The following GRM7 variants were observed in gnomAD, a reference collection of about 807,000 sequenced individuals.
GRM7 encodes the protein glutamate metabotropic receptor 7, also known as metabotropic glutamate receptor 7.
In GRM7, 35 loss-of-function variants were observed where a neutral mutation model predicts 84.5. That is an observed-to-expected ratio of 0.41 (90% CI 0.32 to 0.55). The LOEUF (loss-of-function observed/expected upper bound fraction) is 0.55, where lower values mean the gene tolerates loss of function less well. Ranked by LOEUF, GRM7 falls within the 20% of genes least tolerant of loss-of-function variation. The pLI is 0.19. For synonymous variants in GRM7, 487 were observed against 455.1 expected (o/e 1.07, Z -0.89); for missense variants, 1,003 against 1,194.6 (o/e 0.84, Z 2.36).
At chr3:7,569,250 T>C (rs1694517050) in intron 7 of GRM7, among the ~76,000 whole-genome samples, 1 of 152,172 alleles carries the variant, frequency 6.6e-6, no homozygotes, top group South Asian at 2.1e-4. Context: ...AGAACCTTTA[T>C]GTCTAGCTAG....
chr3:7,736,798 T>C (rs1355987436), intron 9 of GRM7, among the ~76,000 whole-genome samples: 1 of 152,214 alleles, frequency 6.6e-6, no homozygotes, highest in Admixed American at 6.5e-5. Context: ...TTTGTTTTTA[T>C]CCTTTTTGGA....
chr3:7,205,524 T>A (rs1198096180), intron 2 of GRM7, among the ~76,000 whole-genome samples: 1 of 152,220 alleles, frequency 6.6e-6, no homozygotes, highest in Non-Finnish European at 1.5e-5. Context: ...GCCATTTTTG[T>A]TTAATACTCT....
At chr3:7,531,036 A>G (rs1165379170) in intron 7 of GRM7, among the ~76,000 whole-genome samples, 1 of 152,062 alleles carries the variant, frequency 6.6e-6, no homozygotes, top group Admixed American at 6.6e-5. Context: ...CTGTGTCCTA[A>G]ATGGTATTGC....
intron 7 of GRM7, among the ~76,000 whole-genome samples, chr3:7,462,558 A>T (rs1184764172): frequency 2.0e-5 from 3 of 152,242 alleles, no homozygotes; most frequent in Non-Finnish European, 4.4e-5. Flanking sequence ...GCCTTTATTA[A>T]TCTATACCTT....
chr3:6,993,527 C>T (rs542518831), intron 1 of GRM7, among the ~76,000 whole-genome samples: 1 of 152,260 alleles, frequency 6.6e-6, no homozygotes, highest in Admixed American at 6.5e-5. Context: ...TAGAAGAAAG[C>T]ATTAGATGCC....
At chr3:7,101,571 G>T (rs1699109126) in intron 1 of GRM7, among the ~76,000 whole-genome samples, 1 of 151,190 alleles carries the variant, frequency 6.6e-6, no homozygotes, top group African/African-American at 2.4e-5. Flanking sequence ...TATAATCACG[G>T]TTAGGTCTGC....
At chr3:6,915,213 A>C (rs576017220) in intron 1 of GRM7, among the ~76,000 whole-genome samples, 40 of 152,310 alleles carry the variant, frequency 2.6e-4, no homozygotes, top group South Asian at 1.7e-3. Flanking sequence ...CCATATTTAC[A>C]AATACTTTTC....
intron 9 of GRM7, among the ~76,000 whole-genome samples, chr3:7,710,543 G>A (rs1326972983): frequency 6.6e-6 from 1 of 152,034 alleles, no homozygotes; most frequent in Non-Finnish European, 1.5e-5. Flanking sequence ...CCATACCAGA[G>A]GATAAATCTG....
chr3:7,707,359 G>A (rs889840043), intron 9 of GRM7, among the ~76,000 whole-genome samples: 4 of 152,122 alleles, frequency 2.6e-5, no homozygotes, highest in Non-Finnish European at 5.9e-5. Context: ...CAGTTAATGG[G>A]CCAGATTCTA....
intron 5 of GRM7, among the ~76,000 whole-genome samples, chr3:7,441,982 C>T (rs1697307437): frequency 6.6e-6 from 1 of 151,118 alleles, no homozygotes; most frequent in African/African-American, 2.4e-5. Context: ...TTCCATATGA[C>T]TTTTAGAATA....
intron 8 of GRM7, among the ~76,000 whole-genome samples, chr3:7,653,180 CTTTTTTTTTTTT>C (rs1218949173): frequency 2.2e-5 from 2 of 89,520 alleles, no homozygotes; most frequent in East Asian, 3.6e-4. Flanking sequence ...ATACTATATC[CTTTTTTTTTTTT>C]TTTTTTTTTT....
chr3:7,252,826 CT>C (rs1425612333), intron 2 of GRM7, among the ~76,000 whole-genome samples: 4 of 151,196 alleles, frequency 2.6e-5, no homozygotes, highest in African/African-American at 9.7e-5. Context: ...GTAGCTGCGA[CT>C]ATAGGCGCCC....
intron 1 of GRM7, among the ~76,000 whole-genome samples, chr3:7,038,856 T>C (rs1696484266): frequency 6.6e-6 from 1 of 152,148 alleles, no homozygotes; most frequent in African/African-American, 2.4e-5. Flanking sequence ...CTTCCACCCC[T>C]TTTTTTAAAA....
intron 7 of GRM7, among the ~76,000 whole-genome samples, chr3:7,510,450 G>T (rs554231530): frequency 6.6e-6 from 1 of 152,104 alleles, no homozygotes; most frequent in Non-Finnish European, 1.5e-5. Context: ...GAGTATAAAA[G>T]GTACTCAACA....
chr3:6,881,921 TTGTGTGTG>T (rs3060190), intron 1 of GRM7, among the ~76,000 whole-genome samples: 4 of 144,702 alleles, frequency 2.8e-5, no homozygotes, highest in Middle Eastern at 3.6e-3. Context: ...GGCAATTGAA[TTGTGTGTG>T]TGTGTGTGTG....
At chr3:6,919,033 G>T (rs1293235961) in intron 1 of GRM7, among the ~76,000 whole-genome samples, 1 of 152,140 alleles carries the variant, frequency 6.6e-6, no homozygotes, top group Non-Finnish European at 1.5e-5. Context: ...AGTGATCACA[G>T]CACTCTAATT....
At chr3:6,938,055 G>C (rs1460234063) in intron 1 of GRM7, among the ~76,000 whole-genome samples, 1 of 152,196 alleles carries the variant, frequency 6.6e-6, no homozygotes, top group Admixed American at 6.6e-5. Context: ...CAGTGCACAA[G>C]TTAGGTTGTC....
chr3:7,219,221 A>G (rs1696715840), intron 2 of GRM7, among the ~76,000 whole-genome samples: 1 of 151,598 alleles, frequency 6.6e-6, no homozygotes, highest in South Asian at 2.1e-4. Flanking sequence ...TTTTTCATAT[A>G]ATGTTCTATA....
At chr3:6,910,722 A>G (rs1432932726) in intron 1 of GRM7, among the ~76,000 whole-genome samples, 1 of 152,146 alleles carries the variant, frequency 6.6e-6, no homozygotes. Flanking sequence ...CCCACCTCTT[A>G]ACAAACAAAG....
Sources: allele counts gnomAD v4.1 joint callset (sites outside exome capture counted in the v4.1 genomes callset), GRCh38; gene constraint gnomAD v4.1.1; transcripts MANE v1.5; gene names NCBI Gene and HGNC (gene_info 2026-07-23, HGNC 2026-07-21).